The following UNC5B variants were observed in gnomAD, a reference collection of about 807,000 sequenced individuals.
UNC5B encodes the protein unc-5 netrin receptor B.
UNC5B carries 56 observed loss-of-function variants against 103.7 expected under a neutral mutation model. That is an observed-to-expected ratio of 0.54 (90% confidence interval 0.44 to 0.67). The LOEUF (loss-of-function observed/expected upper bound fraction) is 0.67, where lower values mean the gene tolerates loss of function less well. Ranked by LOEUF, UNC5B falls within the 30% of genes least tolerant of loss-of-function variation. The probability of loss-of-function intolerance (pLI) is 0.00; values close to 1 mark genes in which losing one functional copy is unlikely to be tolerated. For missense variants in UNC5B, 1,194 were observed against 1,284.5 expected (o/e 0.93, Z 1.08); for synonymous variants, 577 against 542.0 (o/e 1.06, Z -0.90).
At chr10:71,292,631 A>G in intron 11 of UNC5B, 77 bp downstream of exon 11, 5 of 1,293,708 alleles carry the variant, frequency 3.9e-6, no homozygotes, top group Non-Finnish European at 5.5e-6. Flanking sequence ...CTCCCCTTCT[A>G]AGCCTGATGC....
intron 1 of UNC5B, among the ~76,000 whole-genome samples, chr10:71,259,372 C>T (rs1158385960): frequency 4.2e-5 from 6 of 142,428 alleles, no homozygotes; most frequent in Non-Finnish European, 7.5e-5. Context: ...GGTGATATAG[C>T]GAGACTCCAT....
At chr10:71,255,398 A>T (rs1332721404) in intron 1 of UNC5B, among the ~76,000 whole-genome samples, 1 of 152,204 alleles carries the variant, frequency 6.6e-6, no homozygotes, top group Non-Finnish European at 1.5e-5. Context: ...GCAGTTGTTC[A>T]TGGGCCCACA....
At chr10:71,282,276 A>G (rs775841936) in intron 2 of UNC5B, among the ~76,000 whole-genome samples, 2 of 152,176 alleles carry the variant, frequency 1.3e-5, no homozygotes, top group African/African-American at 2.4e-5. Context: ...GAGGCAGAAC[A>G]GCCCCCCACC....
At chr10:71,294,616 C>A (rs1845359632) in intron 13 of UNC5B, among the ~76,000 whole-genome samples, 1 of 151,988 alleles carries the variant, frequency 6.6e-6, no homozygotes, top group South Asian at 2.1e-4. Flanking sequence ...TGTGCTCAGT[C>A]AAATGGACAG....
chr10:71,219,959 G>A (rs548744562), intron 1 of UNC5B, among the ~76,000 whole-genome samples: 5 of 152,332 alleles, frequency 3.3e-5, no homozygotes, highest in South Asian at 4.1e-4. Context: ...AGCTAGCTGG[G>A]TATGTGGGCA....
intron 1 of UNC5B, among the ~76,000 whole-genome samples, chr10:71,224,280 CG>C (rs1843513497): frequency 6.7e-6 from 1 of 149,064 alleles, no homozygotes; most frequent in Non-Finnish European, 1.5e-5. Flanking sequence ...CCAGGAAAGC[CG>C]GGGCTGCTGG....
intron 1 of UNC5B, among the ~76,000 whole-genome samples, chr10:71,225,263 A>AC (rs5786029): frequency 0.53 from 80,194 of 152,080 alleles, 21,809 homozygotes; most frequent in African/African-American, 0.67. Context: ...TGTTCTCCAA[A>AC]CCCACGGGGG....
chr10:71,297,281 G>A (rs1247308714), intron 15 of UNC5B, among the ~76,000 whole-genome samples: 4 of 152,234 alleles, frequency 2.6e-5, no homozygotes, highest in Non-Finnish European at 5.9e-5. Flanking sequence ...AGCACCGGGA[G>A]ATGCATGACA....
chr10:71,296,025 C>T, intron 14 of UNC5B, 65 bp downstream of exon 14: 1 of 1,603,308 alleles, frequency 6.2e-7, no homozygotes, highest in Non-Finnish European at 8.5e-7. Context: ...GCCCAGCTCC[C>T]TCCCGGGCCC....
chr10:71,264,196 G>A (rs993551367), intron 1 of UNC5B, among the ~76,000 whole-genome samples: 1 of 152,146 alleles, frequency 6.6e-6, no homozygotes, highest in Non-Finnish European at 1.5e-5. Context: ...AAACAATAGA[G>A]ATGGCTATTG....
intron 13 of UNC5B, among the ~76,000 whole-genome samples, chr10:71,295,403 T>C (rs1424519719): frequency 6.6e-6 from 1 of 152,192 alleles, no homozygotes; most frequent in Non-Finnish European, 1.5e-5. Flanking sequence ...TCTGACCATA[T>C]ACCCATTCAG....
At chr10:71,221,124 C>T (rs1843444023) in intron 1 of UNC5B, among the ~76,000 whole-genome samples, 1 of 152,218 alleles carries the variant, frequency 6.6e-6, no homozygotes, top group African/African-American at 2.4e-5. Flanking sequence ...CTGGAATGCC[C>T]TTGCACGCAT....
In UNC5B at chr10:71,251,343, G is replaced by GTTTTTAAA. The variant is rs1403005273; in HGVS notation, c.80-28477_80-28470dup. 5.3e-5 allele frequency among the ~76,000 whole-genome samples: 8 copies of GTTTTTAAA among 152,338 alleles called. No homozygotes were observed. In the South Asian group the frequency reaches 1.7e-3, roughly 32 times the overall value. ...TGTAGTCTTTGTATGTCTTCATGCG[G>GTTTTTAAA]TTTTTAAACTTTTAAACTTTCACCT... On this transcript the variant is annotated intron_variant, in intron 1 of 16. Coordinates refer to ENST00000335350, the MANE Select transcript of UNC5B (RefSeq NM_170744.5).
At chr10:71,249,753 A>G (rs148914658) in intron 1 of UNC5B, among the ~76,000 whole-genome samples, 143 of 152,282 alleles carry the variant, frequency 9.4e-4, no homozygotes, top group African/African-American at 3.3e-3. Flanking sequence ...AGTCCATTAT[A>G]CAGAAGGAAA....
Position 71,224,395 on chromosome 10 carries a change from A to G in UNC5B, c.79+11331A>G, listed in dbSNP as rs1843519447. ...CACACACACACACACACACACACAC[A>G]CACACACACACACACACACACGAAA... On this transcript the variant is annotated intron_variant, in intron 1 of 16. Transcript: ENST00000335350. 2.6e-5 allele frequency among the ~76,000 whole-genome samples: 4 copies of G among 152,076 alleles called. No homozygotes were observed. In the South Asian group the frequency reaches 8.3e-4, roughly 32 times the overall value.
At chr10:71,288,859 C>A (rs983770766) in intron 7 of UNC5B, 99 bp from the exon 8 acceptor site, 22 of 1,565,700 alleles carry the variant, frequency 1.4e-5, no homozygotes, top group South Asian at 3.5e-5. Context: ...TCTGTCCCCC[C>A]ACCACATCCA....
intron 1 of UNC5B, among the ~76,000 whole-genome samples, chr10:71,218,962 A>G (rs966198222): frequency 9.8e-5 from 15 of 152,292 alleles, no homozygotes; most frequent in African/African-American, 2.4e-4. Context: ...GCTGGACTCC[A>G]CTGTCGTTAC....
At chr10:71,236,550 T>C (rs1843779170) in intron 1 of UNC5B, among the ~76,000 whole-genome samples, 1 of 152,174 alleles carries the variant, frequency 6.6e-6, no homozygotes, top group Admixed American at 6.5e-5. Context: ...AGAGGCCCAT[T>C]TAGAAAGTCG....
At chr10:71,292,832 G>C (rs1845301076) in intron 11 of UNC5B, among the ~76,000 whole-genome samples, 1 of 152,186 alleles carries the variant, frequency 6.6e-6, no homozygotes, top group African/African-American at 2.4e-5. Flanking sequence ...ACATCTCACT[G>C]TGAAAATGGG....
Sources: gnomAD v4.1 joint callset for allele counts (sites outside exome capture counted in the v4.1 genomes callset) on GRCh38, gnomAD v4.1.1 for gene constraint, MANE v1.5 for transcripts, NCBI Gene and HGNC (gene_info 2026-07-23, HGNC 2026-07-21) for gene names.